The following GUCY1A2 variants were observed in gnomAD, a reference collection of about 807,000 sequenced individuals.
The protein encoded by GUCY1A2 is guanylate cyclase soluble subunit alpha-2.
Under a neutral mutation model 63.5 loss-of-function variants are expected in GUCY1A2, and 27 were observed. The observed-to-expected ratio is 0.43, with a 90% CI of 0.31 to 0.59. GUCY1A2 has a LOEUF of 0.59. Ranked by LOEUF, GUCY1A2 falls within the 20% of genes least tolerant of loss-of-function variation. GUCY1A2 has a pLI of 0.11. For synonymous variants in GUCY1A2, 364 were observed against 343.5 expected, an observed-to-expected ratio of 1.06 and a Z score of -0.66; for missense variants, 768 against 913.3, an observed-to-expected ratio of 0.84 and a Z score of 2.05.
intron 1 of GUCY1A2, among the ~76,000 whole-genome samples, chr11:107,017,526 C>T (rs1223762007): frequency 6.6e-6 from 1 of 152,216 alleles, no homozygotes; most frequent in Non-Finnish European, 1.5e-5. Flanking sequence ...CAGGATACCC[C>T]AAAGGAGTGG....
At chr11:106,848,513 T>C (rs569737044) in intron 4 of GUCY1A2, among the ~76,000 whole-genome samples, 43 of 151,756 alleles carry the variant, frequency 2.8e-4, no homozygotes, top group Non-Finnish European at 5.6e-4. Context: ...CTGTAAATGG[T>C]AGCATATCTT....
rs189385235 is a variant in GUCY1A2 at position 106,743,298 on chromosome 11, G to A, written c.1836+33141C>T. Among the ~76,000 whole-genome samples the A allele has an allele frequency of 1.7e-3, 264 of 152,174 alleles. 1 individual carries two copies. Among genetic ancestry groups the A allele is most frequent in the African/African-American group, 3.6e-3 (148 of 41,528 alleles). On this transcript the variant is annotated intron_variant, in intron 6 of 7. Coordinates refer to ENST00000526355, the MANE Select transcript of GUCY1A2 (RefSeq NM_000855.3). ...TACCTTCCCGCTTGAAAAAGGTCAC[G>A]AGTTCTCAGGTGACCACAATGGTTC...
intron 5 of GUCY1A2, among the ~76,000 whole-genome samples, chr11:106,800,498 T>C (rs924772391): frequency 1.8e-4 from 27 of 152,184 alleles, no homozygotes; most frequent in African/African-American, 6.0e-4. Flanking sequence ...CAAATGTCCA[T>C]CAATGATAGA....
At chr11:106,869,175 T>C (rs1859638258) in intron 4 of GUCY1A2, among the ~76,000 whole-genome samples, 1 of 152,116 alleles carries the variant, frequency 6.6e-6, no homozygotes, top group African/African-American at 2.4e-5. Context: ...ACCTAGGCAA[T>C]ACCATTCAGG....
chr11:106,742,929 A>AAAT (rs1488582721), intron 6 of GUCY1A2, among the ~76,000 whole-genome samples: 5 of 152,102 alleles, frequency 3.3e-5, no homozygotes, highest in African/African-American at 1.2e-4. Context: ...TATTAATCTG[A>AAAT]GTCTTCTTTA....
chr11:106,827,758 G>T lies in GUCY1A2; in HGVS notation c.1207-17280C>A. ...AAATTTGTAACTGCTTTCATAACAG[G>T]AGAAGCTGTTACCAAGAGAATATCT... On this transcript the variant is annotated intron_variant, in intron 4 of 7. Coordinates refer to ENST00000526355, the MANE Select transcript of GUCY1A2 (RefSeq NM_000855.3). 2.6e-6 allele frequency: 4 copies of T among 1,516,934 alleles called. No individual in the cohort carries two copies. The South Asian group carries it at 4.5e-5, about 17-fold the overall frequency. 94.0% of individuals were successfully genotyped at this position (1,516,934 alleles called of 1,614,324 possible). A position where few individuals can be genotyped will look rare whatever the true frequency, so the allele number is the denominator to read the frequency against.
Position 106,827,383 on chromosome 11 carries a change from A to G in GUCY1A2, c.1207-16905T>C, listed in dbSNP as rs2135434331. On this transcript the variant is annotated intron_variant, in intron 4 of 7. Transcript: ENST00000526355. ...AGCTTTATCTTTAATGGCCCAAATC[A>G]CTTCACAGCCTTCAATTTCATACAC... is the stretch of plus-strand genomic sequence containing the variant. 8 of 1,542,462 alleles carry G rather than the reference A, an allele frequency of 5.2e-6. No homozygotes were observed. In the South Asian group the frequency reaches 7.8e-5, roughly 15 times the overall value.
chr11:106,730,072 ATATATATATATATATATATATATT>A (rs1415216743), intron 6 of GUCY1A2, among the ~76,000 whole-genome samples: 2 of 121,832 alleles, frequency 1.6e-5, no homozygotes, highest in African/African-American at 8.7e-5. Flanking sequence ...ATATATATAT[ATATATATATATATATATATATATT>A]ATAGTATATA....
chr11:106,929,602 A>G (rs967979203), intron 4 of GUCY1A2, among the ~76,000 whole-genome samples: 4 of 152,160 alleles, frequency 2.6e-5, no homozygotes, highest in Non-Finnish European at 4.4e-5. Context: ...TAACGTGATC[A>G]TATTATTTAC....
chr11:106,924,536 T>C (rs546005312), intron 4 of GUCY1A2, among the ~76,000 whole-genome samples: 2 of 152,316 alleles, frequency 1.3e-5, no homozygotes, highest in Admixed American at 1.3e-4. Context: ...ATATTGTCCT[T>C]GGCATGTACT....
chr11:106,909,355 C>CTCTGTGTGTGTGTGTG (rs1555048248), intron 4 of GUCY1A2, among the ~76,000 whole-genome samples: 7 of 119,980 alleles, frequency 5.8e-5, no homozygotes, highest in African/African-American at 1.9e-4. Context: ...TGGTACTCAT[C>CTCTGTGTGTGTGTGTG]TGTGTGTGTG....
chr11:106,800,755 G>A (rs1413503387), intron 5 of GUCY1A2, among the ~76,000 whole-genome samples: 3 of 151,998 alleles, frequency 2.0e-5, no homozygotes, highest in South Asian at 2.1e-4. Flanking sequence ...GGGGGAAGGG[G>A]GAGGGATAGC....
At chr11:107,004,516 A>G (rs959135937) in intron 1 of GUCY1A2, among the ~76,000 whole-genome samples, 2 of 152,168 alleles carry the variant, frequency 1.3e-5, no homozygotes, top group Non-Finnish European at 2.9e-5. Flanking sequence ...CTATACATCA[A>G]TAAAGTTATA....
At chr11:106,789,668 G>A (rs1864624106) in intron 5 of GUCY1A2, among the ~76,000 whole-genome samples, 1 of 152,166 alleles carries the variant, frequency 6.6e-6, no homozygotes, top group South Asian at 2.1e-4. Context: ...CCTCGGTGTT[G>A]TGATCTAAGC....
intron 3 of GUCY1A2, among the ~76,000 whole-genome samples, chr11:106,945,009 T>C (rs772212654): frequency 7.2e-5 from 11 of 152,036 alleles, no homozygotes; most frequent in Non-Finnish European, 1.5e-4. Context: ...AGAAGGACTA[T>C]AACTAAATGA....
At chr11:106,919,435 T>C (rs1298507147) in intron 4 of GUCY1A2, among the ~76,000 whole-genome samples, 2 of 152,178 alleles carry the variant, frequency 1.3e-5, no homozygotes, top group Non-Finnish European at 2.9e-5. Flanking sequence ...ACTAATTTAA[T>C]TGTGATAATC....
rs116134235 is a variant in GUCY1A2, at chr11:106,934,416, A to C, written c.1206+5044T>G. Among the ~76,000 whole-genome samples the C allele has an allele frequency of 2.8e-3, 427 of 152,356 alleles. 1 individual carries two copies. Among genetic ancestry groups the C allele is most frequent in the African/African-American group, 9.7e-3 (402 of 41,586 alleles). ...CAAATTAAATTAAGGTTGAAGTCAA[A>C]TAATGTATTCTTGACAGCAAGATGA... On this transcript the variant is annotated intron_variant, in intron 4 of 7. Coordinates refer to ENST00000526355, the MANE Select transcript of GUCY1A2 (RefSeq NM_000855.3).
At chr11:106,876,220 T>G (rs1171563933) in intron 4 of GUCY1A2, among the ~76,000 whole-genome samples, 1 of 151,980 alleles carries the variant, frequency 6.6e-6, no homozygotes, top group Non-Finnish European at 1.5e-5. Flanking sequence ...AAGATTTCTC[T>G]GAATGAGAAA....
At chr11:106,877,852 A>T (rs1859771257) in intron 4 of GUCY1A2, among the ~76,000 whole-genome samples, 1 of 152,078 alleles carries the variant, frequency 6.6e-6, no homozygotes, top group Admixed American at 6.6e-5. Context: ...CTACAGAATG[A>T]GAGAAAATTT....
Sources: allele counts gnomAD v4.1 joint callset (sites outside exome capture counted in the v4.1 genomes callset), GRCh38; gene constraint gnomAD v4.1.1; transcripts MANE v1.5; gene names NCBI Gene and HGNC (gene_info 2026-07-23, HGNC 2026-07-21).